The following GRID2 variants were observed in gnomAD, a reference collection of about 807,000 sequenced individuals.
GRID2 encodes the protein glutamate ionotropic receptor delta type subunit 2.
In GRID2, 33 loss-of-function variants were observed where a neutral mutation model predicts 114.8. The ratio of observed to expected loss-of-function variants is 0.29; its 90% CI spans 0.22 to 0.38. GRID2 has a LOEUF of 0.38. Among genes scored for constraint, GRID2 ranks in the 10% least tolerant of loss-of-function variants. GRID2 has a pLI of 1.00. For synonymous variants in GRID2, 505 were observed against 449.9 expected (o/e 1.12, Z -1.55); for missense variants, 1,184 against 1,257.7 (o/e 0.94, Z 0.89).
chr4:92,976,076 A>T (rs1753853058), intron 2 of GRID2, among the ~76,000 whole-genome samples: 1 of 152,112 alleles, frequency 6.6e-6, no homozygotes, highest in South Asian at 2.1e-4. Context: ...AGCAGAGAAT[A>T]TCCAGTTTTC....
chr4:93,448,828 T>C (rs1333484425), intron 10 of GRID2, among the ~76,000 whole-genome samples: 1 of 9,548 alleles, frequency 1.0e-4, no homozygotes, highest in Non-Finnish European at 1.8e-4. Context: ...TCCCTTCCCT[T>C]CCCTTCCCTT....
chr4:93,477,494 C>G (rs545587355), intron 11 of GRID2, among the ~76,000 whole-genome samples: 3 of 152,054 alleles, frequency 2.0e-5, no homozygotes, highest in Non-Finnish European at 4.4e-5. Context: ...AGCCTTTCGA[C>G]CAAAACATTC....
chr4:93,730,265 A>T (rs754565571), intron 14 of GRID2, among the ~76,000 whole-genome samples: 1 of 152,216 alleles, frequency 6.6e-6, no homozygotes, highest in Non-Finnish European at 1.5e-5. Flanking sequence ...CAAGGGATGT[A>T]GATCTCATGG....
chr4:92,410,875 G>C (rs1731266610), intron 1 of GRID2, among the ~76,000 whole-genome samples: 2 of 122,466 alleles, frequency 1.6e-5, no homozygotes, highest in Admixed American at 1.9e-4. Context: ...CACATGAATA[G>C]TCACTCTCAG....
chr4:93,117,428 C>T (rs1267242657), intron 4 of GRID2, among the ~76,000 whole-genome samples: 1 of 151,942 alleles, frequency 6.6e-6, no homozygotes, highest in Non-Finnish European at 1.5e-5. Flanking sequence ...AATCAGTCTG[C>T]TTTATTAACT....
chr4:93,224,541 C>A, intron 6 of GRID2, 73 bp from the exon 7 acceptor site: 2 of 937,284 alleles, frequency 2.1e-6, no homozygotes, highest in South Asian at 1.4e-5. Context: ...GCAGTTGAGA[C>A]AATTATTTTT....
intron 13 of GRID2, among the ~76,000 whole-genome samples, chr4:93,554,328 C>T (rs927950346): frequency 6.6e-5 from 10 of 152,216 alleles, no homozygotes; most frequent in African/African-American, 2.4e-4. Flanking sequence ...ATTCTCATTA[C>T]ACTTTGGATT....
chr4:93,250,391 T>G (rs1463808892), intron 8 of GRID2, among the ~76,000 whole-genome samples: 1 of 151,802 alleles, frequency 6.6e-6, no homozygotes, highest in Non-Finnish European at 1.5e-5. Flanking sequence ...AAATACCTAA[T>G]GTAGATGATA....
intron 1 of GRID2, among the ~76,000 whole-genome samples, chr4:92,432,189 T>C (rs1016561309): frequency 1.3e-5 from 2 of 152,136 alleles, no homozygotes; most frequent in Non-Finnish European, 2.9e-5. Context: ...CTCTGGGTCA[T>C]ACCTAAAGCC....
intron 13 of GRID2, among the ~76,000 whole-genome samples, chr4:93,552,858 C>T (rs1733920021): frequency 6.9e-6 from 1 of 145,662 alleles, no homozygotes; most frequent in East Asian, 2.2e-4. Flanking sequence ...TGTTCAACTC[C>T]CATTTATGAG....
chr4:92,868,062 TTCTTTCTG>T (rs377297706), intron 2 of GRID2, among the ~76,000 whole-genome samples: 1,238 of 119,700 alleles, frequency 0.01, 6 homozygotes, highest in South Asian at 0.025. Context: ...CTTTCTTTCT[TTCTTTCTG>T]TCTGTCTGTC....
At chr4:93,011,156 G>A (rs2149231373) in intron 2 of GRID2, among the ~76,000 whole-genome samples, 1 of 149,972 alleles carries the variant, frequency 6.7e-6, no homozygotes, top group East Asian at 2.0e-4. Context: ...TTGTTTCTTG[G>A]TTGCTGTTTT....
chr4:93,159,245 G>A (rs1248334229), intron 4 of GRID2, among the ~76,000 whole-genome samples: 1 of 151,812 alleles, frequency 6.6e-6, no homozygotes, highest in African/African-American at 2.4e-5. Context: ...GGCCGACTCT[G>A]TAAGGTTATT....
intron 2 of GRID2, among the ~76,000 whole-genome samples, chr4:92,958,277 G>C (rs1223868572): frequency 3.3e-5 from 5 of 152,048 alleles, no homozygotes; most frequent in Admixed American, 3.3e-4. Flanking sequence ...TTGGCCATCA[G>C]TTCCTTTGTA....
intron 1 of GRID2, among the ~76,000 whole-genome samples, chr4:92,512,876 T>C (rs1049826696): frequency 7.2e-5 from 11 of 151,898 alleles, no homozygotes; most frequent in African/African-American, 2.7e-4. Context: ...GGCTGTAATA[T>C]TTTTGAAAAA....
intron 2 of GRID2, among the ~76,000 whole-genome samples, chr4:92,674,194 T>G (rs1733215401): frequency 6.6e-6 from 1 of 152,124 alleles, no homozygotes; most frequent in Non-Finnish European, 1.5e-5. Flanking sequence ...AAAACAAAAA[T>G]TTAGCATTAA....
intron 14 of GRID2, among the ~76,000 whole-genome samples, chr4:93,678,158 A>G (rs1285687120): frequency 6.6e-6 from 1 of 152,218 alleles, no homozygotes; most frequent in East Asian, 1.9e-4. Context: ...GACGCGATCA[A>G]CTGGAAGAAA....
chr4:92,501,620 G>T (rs930816193), intron 1 of GRID2, among the ~76,000 whole-genome samples: 1 of 152,064 alleles, frequency 6.6e-6, no homozygotes, highest in Non-Finnish European at 1.5e-5. Flanking sequence ...TCTGATGCAG[G>T]TATCACTTCA....
chr4:93,587,186 A>G (rs927040847), intron 13 of GRID2, among the ~76,000 whole-genome samples: 1 of 152,118 alleles, frequency 6.6e-6, no homozygotes, highest in African/African-American at 2.4e-5. Context: ...CGAGACACTG[A>G]GCACAGCCTA....
Sources: gnomAD v4.1 joint callset for allele counts (sites outside exome capture counted in the v4.1 genomes callset) on GRCh38, gnomAD v4.1.1 for gene constraint, MANE v1.5 for transcripts, NCBI Gene and HGNC (gene_info 2026-07-23, HGNC 2026-07-21) for gene names.